Variants in SPATA6 observed in about 807,000 individuals in gnomAD.
SPATA6 encodes spermatogenesis-associated protein 6.
In SPATA6, 56 loss-of-function variants were observed where a neutral mutation model predicts 65.3. That is an observed-to-expected ratio of 0.86 (90% CI 0.69 to 1.07). The LOEUF (loss-of-function observed/expected upper bound fraction) is 1.07. Ranked by LOEUF, SPATA6 falls within the 50% of genes least tolerant of loss-of-function variation. SPATA6 has a pLI of 0.00. For synonymous variants in SPATA6, 199 were observed against 213.2 expected, an observed-to-expected ratio of 0.93 and a Z score of 0.58; for missense variants, 590 against 594.8, an observed-to-expected ratio of 0.99 and a Z score of 0.08.
chr1:48,355,824 A>AT, intron 10 of SPATA6, 55 bp from the exon 11 acceptor site: 1 of 1,392,226 alleles, frequency 7.2e-7, no homozygotes, highest in Non-Finnish European at 1.0e-6. Flanking sequence ...AATGATTCTA[A>AT]GCTATACTAT....
chr1:48,418,204 T>G (rs1652960843), intron 3 of SPATA6, among the ~76,000 whole-genome samples: 2 of 152,140 alleles, frequency 1.3e-5, no homozygotes, highest in Admixed American at 1.3e-4. Flanking sequence ...AACCCTCAAA[T>G]AACACAATAT....
chr1:48,437,810 G>T (rs1471679991), intron 3 of SPATA6, among the ~76,000 whole-genome samples: 2 of 151,278 alleles, frequency 1.3e-5, no homozygotes, highest in Non-Finnish European at 2.9e-5. Flanking sequence ...TAAAAAAGGG[G>T]GCTAAAGTAA....
intron 3 of SPATA6, among the ~76,000 whole-genome samples, chr1:48,426,711 G>C (rs1483808972): frequency 2.6e-5 from 4 of 152,072 alleles, no homozygotes; most frequent in Non-Finnish European, 5.9e-5. Context: ...ATTTTACCAA[G>C]TTCTTGTTTA....
At chr1:48,345,605 A>C (rs182467973) in intron 11 of SPATA6, among the ~76,000 whole-genome samples, 1 of 152,050 alleles carries the variant, frequency 6.6e-6, no homozygotes, top group African/African-American at 2.4e-5. Context: ...AGCTAGACTA[A>C]TAAAGAAGAA....
In SPATA6 at chr1:48,316,483, T is replaced by G. The variant is rs539134110; in HGVS notation, c.1195-10605A>C. 5.9e-5 allele frequency among the ~76,000 whole-genome samples: 9 copies of G among 152,274 alleles called. No homozygotes were observed. In the East Asian group the frequency reaches 9.6e-4, roughly 16 times the overall value. On this transcript the variant is annotated intron_variant, in intron 11 of 12. Coordinates refer to ENST00000371847, the MANE Select transcript of SPATA6 (RefSeq NM_019073.4). Reference sequence around the variant, plus strand: ...GCTGGGAAAACTGGCTAGCCATATTTAGAAAGCTGAAACTGGATCCCTTCC... The same window carrying G: ...GCTGGGAAAACTGGCTAGCCATATTGAGAAAGCTGAAACTGGATCCCTTCC...
chr1:48,405,684 T>C (rs1180972264), intron 5 of SPATA6, among the ~76,000 whole-genome samples: 3 of 152,180 alleles, frequency 2.0e-5, no homozygotes, highest in Non-Finnish European at 4.4e-5. Context: ...GAAGCCACAA[T>C]GATGTAGTCT....
chr1:48,395,154 A>G lies in SPATA6; in HGVS notation c.868+113T>C, dbSNP rs1369579045. 7.2e-6 allele frequency: 5 copies of G among 693,940 alleles called. No homozygotes were observed. The South Asian group carries it at 1.3e-4, about 19-fold the overall frequency. The allele number at this position is 693,940 out of a possible 1,614,324, so 43.0% of individuals were successfully genotyped here. A position where few individuals can be genotyped will look rare whatever the true frequency, so the allele number is the denominator to read the frequency against. On this transcript the variant is annotated intron_variant, in intron 8 of 12. Coordinates refer to ENST00000371847, the MANE Select transcript of SPATA6 (RefSeq NM_019073.4). ...CAAGTTGTAAAAAGCTACATTATAC[A>G]ATATTATCCAATAATGTAACAAAGA...
chr1:48,367,567 T>C (rs1041350299), intron 9 of SPATA6, among the ~76,000 whole-genome samples: 1 of 152,178 alleles, frequency 6.6e-6, no homozygotes, highest in Non-Finnish European at 1.5e-5. Flanking sequence ...TCTTTGTCTC[T>C]TTTGATCTTT....
At chr1:48,284,542 C>T in the SPATA6 span, among the ~76,000 whole-genome samples, 1 of 152,162 alleles carries the variant, frequency 6.6e-6, no homozygotes, top group African/African-American at 2.4e-5. Flanking sequence ...CCTATTTGAC[C>T]TGTATTTTCC....
intron 11 of SPATA6, among the ~76,000 whole-genome samples, chr1:48,320,055 G>T (rs748061238): frequency 1.3e-5 from 2 of 152,178 alleles, no homozygotes; most frequent in Non-Finnish European, 2.9e-5. Flanking sequence ...TTCTCTGAGA[G>T]CCCAGTCCCC....
intron 9 of SPATA6, among the ~76,000 whole-genome samples, chr1:48,362,251 C>T (rs1646836596): frequency 6.6e-6 from 1 of 151,802 alleles, no homozygotes; most frequent in Non-Finnish European, 1.5e-5. Context: ...AACACTCTGT[C>T]TCAAAGAAAA....
chr1:48,281,608 C>T, the SPATA6 span, among the ~76,000 whole-genome samples: 2 of 151,288 alleles, frequency 1.3e-5, no homozygotes, highest in East Asian at 1.9e-4. Flanking sequence ...AATAAAATAC[C>T]TAGGAATCCA....
chr1:48,336,939 C>T (rs553312649), intron 11 of SPATA6, among the ~76,000 whole-genome samples: 21 of 151,872 alleles, frequency 1.4e-4, no homozygotes, highest in Non-Finnish European at 2.8e-4. Flanking sequence ...AAATTATATC[C>T]ATTACTGAAA....
chr1:48,314,547 T>C (rs1645340526), intron 11 of SPATA6, among the ~76,000 whole-genome samples: 1 of 152,206 alleles, frequency 6.6e-6, no homozygotes, highest in South Asian at 2.1e-4. Flanking sequence ...AAGCACTGTG[T>C]AGCGGGAAAT....
intron 9 of SPATA6, among the ~76,000 whole-genome samples, chr1:48,365,353 G>C (rs1479533891): frequency 2.0e-5 from 3 of 152,166 alleles, no homozygotes; most frequent in Admixed American, 2.0e-4. Flanking sequence ...TTAGCAGCTT[G>C]ATGGGGGTGG....
At chr1:48,348,442 C>T (rs1238083499) in intron 11 of SPATA6, among the ~76,000 whole-genome samples, 1 of 151,836 alleles carries the variant, frequency 6.6e-6, no homozygotes, top group African/African-American at 2.4e-5. Context: ...ATACTGATGA[C>T]CAGAGGCTCA....
chr1:48,450,025 G>A (rs1272141287), intron 3 of SPATA6, among the ~76,000 whole-genome samples: 2 of 151,788 alleles, frequency 1.3e-5, no homozygotes, highest in Non-Finnish European at 2.9e-5. Context: ...TTATAAACTC[G>A]CTCATTTTTT....
intron 11 of SPATA6, among the ~76,000 whole-genome samples, chr1:48,312,972 T>C (rs1645269862): frequency 6.6e-6 from 1 of 151,920 alleles, no homozygotes; most frequent in African/African-American, 2.4e-5. Context: ...ATGAATGACA[T>C]GAAGCGAGAA....
At chr1:48,322,367 T>C (rs751354217) in intron 11 of SPATA6, among the ~76,000 whole-genome samples, 13 of 152,160 alleles carry the variant, frequency 8.5e-5, no homozygotes, top group Non-Finnish European at 1.6e-4. Context: ...GCTAGCCATA[T>C]GCAGAAAGAT....
Sources: gnomAD v4.1 joint callset for allele counts (sites outside exome capture counted in the v4.1 genomes callset) on GRCh38, gnomAD v4.1.1 for gene constraint, MANE v1.5 for transcripts, NCBI Gene and HGNC (gene_info 2026-07-23, HGNC 2026-07-21) for gene names.